PIK3C2G: variants seen among roughly 807,000 people sequenced by gnomAD.
The protein encoded by PIK3C2G is phosphatidylinositol-4-phosphate 3-kinase catalytic subunit type 2 gamma.
A neutral mutation model predicts 181.1 loss-of-function variants in PIK3C2G; 168 were observed. The ratio of observed to expected loss-of-function variants is 0.93; its 90% confidence interval spans 0.82 to 1.05. The LOEUF (loss-of-function observed/expected upper bound fraction) is 1.05, where lower values mean the gene tolerates loss of function less well. PIK3C2G is among the 50% of genes least tolerant of loss of function. The pLI, the probability that PIK3C2G is intolerant of heterozygous loss-of-function variation, is 0.00. For synonymous variants in PIK3C2G, 573 were observed against 592.2 expected (o/e 0.97, Z 0.47); for missense variants, 1,869 against 1,732.8 (o/e 1.08, Z -1.40).
chr12:18,319,188 A>C (rs1032856553), intron 6 of PIK3C2G, among the ~76,000 whole-genome samples: 1 of 152,160 alleles, frequency 6.6e-6, no homozygotes, highest in African/African-American at 2.4e-5. Context: ...TGAATAACTT[A>C]ATATTTTTAA....
chr12:18,292,920 ATTGT>A (rs1949775610), intron 4 of PIK3C2G, among the ~76,000 whole-genome samples: 2 of 152,176 alleles, frequency 1.3e-5, no homozygotes, highest in South Asian at 4.1e-4. Flanking sequence ...GTAAACAGAT[ATTGT>A]TTAAGTGTGA....
chr12:18,553,420 C>G (rs1944838306), intron 26 of PIK3C2G, among the ~76,000 whole-genome samples: 1 of 151,998 alleles, frequency 6.6e-6, no homozygotes, highest in Non-Finnish European at 1.5e-5. Context: ...TCAGTTTGTT[C>G]TGATTTGGTC....
At chr12:18,370,339 G>A (rs1196713263) in intron 12 of PIK3C2G, among the ~76,000 whole-genome samples, 2 of 152,092 alleles carry the variant, frequency 1.3e-5, no homozygotes, top group Non-Finnish European at 2.9e-5. Context: ...TAAAAATCCT[G>A]TGTCTATCCT....
chr12:18,384,534 GT>G (rs995999544), intron 14 of PIK3C2G, among the ~76,000 whole-genome samples: 8 of 152,180 alleles, frequency 5.3e-5, no homozygotes, highest in African/African-American at 7.2e-5. Context: ...CATTGTCAGA[GT>G]TTTGTGGATA....
intron 2 of PIK3C2G, among the ~76,000 whole-genome samples, chr12:18,283,334 G>A (rs969787280): frequency 6.6e-6 from 1 of 151,994 alleles, no homozygotes; most frequent in African/African-American, 2.4e-5. Flanking sequence ...TTAGTAACCA[G>A]AGTTTTTTCT....
the PIK3C2G span, among the ~76,000 whole-genome samples, chr12:18,703,567 T>C: frequency 1.3e-5 from 2 of 152,312 alleles, no homozygotes; most frequent in African/African-American, 2.4e-5. Context: ...ACCTTAGAGA[T>C]AGAGAACCTT....
At chr12:18,249,173 G>C (rs980263862) in intron 1 of PIK3C2G, among the ~76,000 whole-genome samples, 1 of 152,090 alleles carries the variant, frequency 6.6e-6, no homozygotes, top group Non-Finnish European at 1.5e-5. Context: ...CTCAAGAAAA[G>C]ATGTTTCTAA....
intron 6 of PIK3C2G, among the ~76,000 whole-genome samples, chr12:18,316,068 T>A (rs1293572436): frequency 6.6e-6 from 1 of 152,052 alleles, no homozygotes; most frequent in Non-Finnish European, 1.5e-5. Context: ...TTTAAATGAA[T>A]TAATTGACAG....
At chr12:18,650,724 A>C (rs867904175), downstream of PIK3C2G, among the ~76,000 whole-genome samples, 59 of 19,252 alleles carry the variant, frequency 3.1e-3, no homozygotes, top group South Asian at 8.0e-3. Context: ...ATATATATAT[A>C]TATATATATA....
intron 30 of PIK3C2G, among the ~76,000 whole-genome samples, chr12:18,596,870 A>C (rs907050899): frequency 2.6e-5 from 4 of 152,100 alleles, no homozygotes; most frequent in Admixed American, 2.0e-4. Flanking sequence ...TAAAATGTTA[A>C]TGATGTGAAA....
intron 18 of PIK3C2G, 56 bp from the exon 19 acceptor site, chr12:18,488,393 G>A: frequency 1.6e-6 from 2 of 1,247,470 alleles, no homozygotes; most frequent in Non-Finnish European, 2.1e-6. Context: ...CCGGCTGGAT[G>A]TGGTTTAAAA....
At chr12:18,419,580 G>A (rs747518473) in intron 16 of PIK3C2G, among the ~76,000 whole-genome samples, 3 of 152,240 alleles carry the variant, frequency 2.0e-5, no homozygotes, top group South Asian at 4.1e-4. Context: ...TGTGCATGAC[G>A]TTATGCTGAG....
chr12:18,653,730 G>A, the PIK3C2G span, among the ~76,000 whole-genome samples: 1 of 152,132 alleles, frequency 6.6e-6, no homozygotes, highest in Non-Finnish European at 1.5e-5. Context: ...TTAAAGGAAA[G>A]ACACTCATTA....
chr12:18,559,851 GAGAGAGAGAGAGAGAC>G (rs1291343187), intron 26 of PIK3C2G, among the ~76,000 whole-genome samples: 106 of 135,748 alleles, frequency 7.8e-4, no homozygotes, highest in African/African-American at 2.7e-3. Context: ...GAGAGAGAGA[GAGAGAGAGAGAGAGAC>G]AGTTTTGCTC....
chr12:18,434,463 T>C (rs183815774), intron 18 of PIK3C2G, among the ~76,000 whole-genome samples: 1 of 151,952 alleles, frequency 6.6e-6, no homozygotes, highest in African/African-American at 2.4e-5. Flanking sequence ...AAGAGAATCA[T>C]AGCATAGAAT....
chr12:18,714,509 T>A, the PIK3C2G span: 6 of 152,202 alleles, frequency 3.9e-5, no homozygotes, highest in African/African-American at 1.4e-4. Context: ...TAAAACGCGA[T>A]CTTGGAAGAG....
chr12:18,473,341 CCT>C (rs946329642), intron 18 of PIK3C2G, among the ~76,000 whole-genome samples: 2 of 152,150 alleles, frequency 1.3e-5, no homozygotes, highest in African/African-American at 4.8e-5. Context: ...AAATAATTAT[CCT>C]CTCTGATACT....
chr12:18,680,171 T>A, the PIK3C2G span, among the ~76,000 whole-genome samples: 192 of 152,122 alleles, frequency 1.3e-3, 2 homozygotes, highest in Middle Eastern at 6.8e-3. Flanking sequence ...ATCCAGTCCA[T>A]ATAGTCCCCC....
At chr12:18,302,272 A>G (rs1305344703) in intron 5 of PIK3C2G, among the ~76,000 whole-genome samples, 1 of 152,094 alleles carries the variant, frequency 6.6e-6, no homozygotes, top group Non-Finnish European at 1.5e-5. Context: ...GTGCGCCTAC[A>G]ATCAATGATG....
Sources: gnomAD v4.1 joint callset for allele counts (sites outside exome capture counted in the v4.1 genomes callset) on GRCh38, gnomAD v4.1.1 for gene constraint, MANE v1.5 for transcripts, NCBI Gene and HGNC (gene_info 2026-07-23, HGNC 2026-07-21) for gene names.